XKR6: variants seen among roughly 807,000 people sequenced by gnomAD.
The protein encoded by XKR6 is XK-related protein 6.
XKR6 carries 22 observed loss-of-function variants against 56.7 expected under a neutral mutation model. The ratio of observed to expected loss-of-function variants is 0.39; its 90% CI spans 0.28 to 0.55. XKR6 has a LOEUF of 0.55. XKR6 is among the 20% of genes least tolerant of loss of function. The pLI is 0.66. For synonymous variants in XKR6, 524 were observed against 387.8 expected (o/e 1.35, Z -4.13); for missense variants, 852 against 889.0 (o/e 0.96, Z 0.53).
intron 1 of XKR6, among the ~76,000 whole-genome samples, chr8:11,162,875 T>C (rs1309386040): frequency 6.6e-6 from 1 of 152,242 alleles, no homozygotes; most frequent in Non-Finnish European, 1.5e-5. Flanking sequence ...CTAGCATAGC[T>C]ACAAGGTAAG....
At chr8:11,091,624 T>C (rs1253054814) in intron 1 of XKR6, among the ~76,000 whole-genome samples, 3 of 151,592 alleles carry the variant, frequency 2.0e-5, no homozygotes, top group Non-Finnish European at 4.4e-5. Flanking sequence ...GCAGTGGGAG[T>C]TGGTTTTACA....
At chr8:11,029,360 C>G (rs533283685) in intron 1 of XKR6, among the ~76,000 whole-genome samples, 1 of 152,274 alleles carries the variant, frequency 6.6e-6, no homozygotes, top group East Asian at 1.9e-4. Context: ...TTCCCCAGAT[C>G]CATATGTTAA....
intron 1 of XKR6, among the ~76,000 whole-genome samples, chr8:11,072,343 A>G (rs1050458287): frequency 1.4e-5 from 2 of 147,942 alleles, no homozygotes; most frequent in African/African-American, 5.1e-5. Flanking sequence ...CTGTTTTGGT[A>G]AGGTCTGCTG....
At chr8:11,154,644 C>CA in intron 1 of XKR6, among the ~76,000 whole-genome samples, 1 of 152,312 alleles carries the variant, frequency 6.6e-6, no homozygotes, top group Admixed American at 6.5e-5. Context: ...CCTCACAACT[C>CA]ACAGTTTGGC....
chr8:11,161,962 G>A (rs1801835902), intron 1 of XKR6, among the ~76,000 whole-genome samples: 1 of 152,138 alleles, frequency 6.6e-6, no homozygotes, highest in South Asian at 2.1e-4. Flanking sequence ...GAAAGAAAAA[G>A]AAAAGAGGAA....
chr8:11,009,142 C>T (rs1364098136), intron 1 of XKR6, among the ~76,000 whole-genome samples: 1 of 152,052 alleles, frequency 6.6e-6, no homozygotes, highest in Non-Finnish European at 1.5e-5. Flanking sequence ...GCTAATCATT[C>T]CATAGTCAAT....
chr8:11,150,021 T>C (rs1408335432), intron 1 of XKR6, among the ~76,000 whole-genome samples: 1 of 152,134 alleles, frequency 6.6e-6, no homozygotes, highest in East Asian at 1.9e-4. Context: ...GCTAAAAAAT[T>C]GATCTCATGG....
At chr8:10,996,690 G>A (rs1367185310) in intron 1 of XKR6, among the ~76,000 whole-genome samples, 1 of 152,158 alleles carries the variant, frequency 6.6e-6, no homozygotes, top group African/African-American at 2.4e-5. Flanking sequence ...ATAAAAAAGG[G>A]GCTGGCTTTA....
chr8:11,052,847 G>A (rs547519654), intron 1 of XKR6, among the ~76,000 whole-genome samples: 7 of 152,012 alleles, frequency 4.6e-5, no homozygotes, highest in South Asian at 2.1e-4. Flanking sequence ...TCCCACTCCC[G>A]CACCCCTAGC....
chr8:11,118,290 C>G (rs1468406130), intron 1 of XKR6, among the ~76,000 whole-genome samples: 1 of 152,124 alleles, frequency 6.6e-6, no homozygotes, highest in Non-Finnish European at 1.5e-5. Flanking sequence ...GTATCTCTGC[C>G]AGGCTTTGGT....
intron 1 of XKR6, among the ~76,000 whole-genome samples, chr8:10,943,061 G>A (rs985819005): frequency 4.6e-5 from 7 of 152,184 alleles, no homozygotes; most frequent in Admixed American, 2.6e-4. Context: ...GGTAGGCACC[G>A]TACCCATCTG....
intron 1 of XKR6, among the ~76,000 whole-genome samples, chr8:11,057,984 CAT>C (rs1228756017): frequency 3.3e-5 from 5 of 152,240 alleles, no homozygotes; most frequent in African/African-American, 1.2e-4. Context: ...TGTGTCTTGT[CAT>C]ATGTCTGTGG....
At chr8:10,948,675 T>C (rs1275155796) in intron 1 of XKR6, among the ~76,000 whole-genome samples, 1 of 152,102 alleles carries the variant, frequency 6.6e-6, no homozygotes, top group African/African-American at 2.4e-5. Context: ...GTCTGTCCTC[T>C]CCTATAGCAC....
chr8:10,985,327 C>A (rs1797836709), intron 1 of XKR6, among the ~76,000 whole-genome samples: 1 of 152,060 alleles, frequency 6.6e-6, no homozygotes, highest in East Asian at 1.9e-4. Flanking sequence ...TTCTCCTGCA[C>A]CCACTTTCTT....
chr8:11,110,022 G>C (rs575542467), intron 1 of XKR6, among the ~76,000 whole-genome samples: 1 of 152,184 alleles, frequency 6.6e-6, no homozygotes, highest in Non-Finnish European at 1.5e-5. Flanking sequence ...GCCCAGGCTG[G>C]AGTGCAGTGA....
At position 11,201,316 on chromosome 8, in the gene XKR6, ACCGCCATCGGATTTCG is replaced by A. The variant is rs1316210758; in HGVS notation, c.8_23del (p.Ala3ValfsTer157). The A allele has an allele frequency of 7.6e-7, 1 of 1,312,354 alleles. No homozygotes were observed. Among genetic ancestry groups the A allele is most frequent in the Non-Finnish European group, 9.9e-7 (1 of 1,011,224 alleles). 81.3% of individuals were successfully genotyped at this position (1,312,354 alleles called of 1,614,324 possible). ...GCTGAGCGAAGCCCACCCCCACGCCACCGCCATCGGATTTCGCCGCCATCTTGACTCTCTTCCCAGC... is the reference window on the plus strand; with the variant it reads ...GCTGAGCGAAGCCCACCCCCACGCCACCGCCATCTTGACTCTCTTCCCAGC... On this transcript the variant is annotated frameshift_variant, in exon 1 of 3. Coordinates refer to ENST00000416569, the MANE Select transcript of XKR6 (RefSeq NM_173683.4). LOFTEE classifies it high-confidence loss of function.
chr8:10,943,023 G>T (rs992910697), intron 1 of XKR6, among the ~76,000 whole-genome samples: 1 of 152,206 alleles, frequency 6.6e-6, no homozygotes, highest in African/African-American at 2.4e-5. Context: ...GGCCAGGAAG[G>T]CTTCAGGACC....
intron 1 of XKR6, among the ~76,000 whole-genome samples, chr8:10,968,054 C>A (rs1393453870): frequency 6.6e-6 from 1 of 152,212 alleles, no homozygotes; most frequent in Non-Finnish European, 1.5e-5. Flanking sequence ...GCAGCACCCC[C>A]CAGCCTTTCC....
intron 1 of XKR6, among the ~76,000 whole-genome samples, chr8:11,199,823 T>C (rs1804102279): frequency 6.6e-6 from 1 of 152,218 alleles, no homozygotes; most frequent in South Asian, 2.1e-4. Flanking sequence ...CTGGCCTGGC[T>C]ACCAAAAACA....
Sources: gnomAD v4.1 joint callset for allele counts (sites outside exome capture counted in the v4.1 genomes callset) on GRCh38, gnomAD v4.1.1 for gene constraint, MANE v1.5 for transcripts, NCBI Gene and HGNC (gene_info 2026-07-23, HGNC 2026-07-21) for gene names.